Variants in CDK14 observed in about 807,000 individuals in gnomAD.
The protein encoded by CDK14 is cyclin dependent kinase 14.
A neutral mutation model predicts 60.7 loss-of-function variants in CDK14; 34 were observed. That is an observed-to-expected ratio of 0.56 (90% CI 0.43 to 0.75). The LOEUF is 0.75. Ranked by LOEUF, CDK14 falls within the 30% of genes least tolerant of loss-of-function variation. The pLI is 0.00. For synonymous variants in CDK14, 197 were observed against 203.7 expected, an observed-to-expected ratio of 0.97 and a Z score of 0.28; for missense variants, 482 against 564.1, an observed-to-expected ratio of 0.85 and a Z score of 1.47.
chr7:90,737,727 G>C (rs563124320), intron 3 of CDK14, among the ~76,000 whole-genome samples: 1 of 152,294 alleles, frequency 6.6e-6, no homozygotes, highest in African/African-American at 2.4e-5. Context: ...GCCCAGTCAG[G>C]TTTGACTTTA....
intron 14 of CDK14, among the ~76,000 whole-genome samples, chr7:91,168,194 G>A (rs915403496): frequency 1.3e-5 from 2 of 151,408 alleles, no homozygotes; most frequent in East Asian, 1.9e-4. Flanking sequence ...CCCGGGAGGC[G>A]GAGGTCGCAG....
chr7:91,201,408 A>G (rs908920147), intron 14 of CDK14, among the ~76,000 whole-genome samples: 4 of 152,168 alleles, frequency 2.6e-5, no homozygotes, highest in South Asian at 2.1e-4. Context: ...AGGAAAACCT[A>G]CAGTTGTTTT....
chr7:90,657,034 A>G (rs1327111607), intron 2 of CDK14, among the ~76,000 whole-genome samples: 1 of 134,772 alleles, frequency 7.4e-6, no homozygotes, highest in Non-Finnish European at 1.6e-5. Context: ...ATTTAAAAAT[A>G]TTTTCTAAAA....
intron 2 of CDK14, among the ~76,000 whole-genome samples, chr7:90,617,964 GAA>G (rs532347499): frequency 5.1e-4 from 78 of 152,298 alleles, no homozygotes; most frequent in Non-Finnish European, 1.1e-3. Flanking sequence ...AGCATGTTCT[GAA>G]AAAAGTGTCA....
intron 2 of CDK14, among the ~76,000 whole-genome samples, chr7:90,649,270 TTC>T (rs1216479739): frequency 4.4e-5 from 2 of 45,410 alleles, no homozygotes; most frequent in African/African-American, 1.1e-4. Context: ...CTTTCTTTCT[TTC>T]TTTCTTTCTT....
intron 12 of CDK14, among the ~76,000 whole-genome samples, chr7:91,081,159 G>A (rs1193737525): frequency 6.6e-6 from 1 of 152,180 alleles, no homozygotes; most frequent in Non-Finnish European, 1.5e-5. Flanking sequence ...CCAAGCTGTA[G>A]CCTCTAGCCA....
At chr7:90,822,912 C>A (rs1001820248) in intron 5 of CDK14, among the ~76,000 whole-genome samples, 1 of 152,130 alleles carries the variant, frequency 6.6e-6, no homozygotes, top group South Asian at 2.1e-4. Flanking sequence ...ATAATGCTTG[C>A]ACTGTGTACT....
At chr7:90,813,383 T>C (rs886611369) in intron 5 of CDK14, among the ~76,000 whole-genome samples, 5 of 152,174 alleles carry the variant, frequency 3.3e-5, no homozygotes, top group Admixed American at 2.6e-4. Flanking sequence ...CTGAAAACTA[T>C]TGAATTGTAT....
At chr7:90,659,064 T>C (rs1430373835) in intron 2 of CDK14, among the ~76,000 whole-genome samples, 15 of 152,186 alleles carry the variant, frequency 9.9e-5, no homozygotes, top group Admixed American at 9.8e-4. Flanking sequence ...TTTTTGGATT[T>C]TGGGGCATAG....
At chr7:90,682,852 G>A (rs1801349002) in intron 2 of CDK14, among the ~76,000 whole-genome samples, 1 of 152,104 alleles carries the variant, frequency 6.6e-6, no homozygotes, top group African/African-American at 2.4e-5. Flanking sequence ...TTATGTTTAT[G>A]TAATGTTTCC....
chr7:91,027,107 C>T (rs141175558), intron 10 of CDK14, among the ~76,000 whole-genome samples: 2,385 of 152,298 alleles, frequency 0.016, 22 homozygotes, highest in Non-Finnish European at 0.022. Flanking sequence ...AGTCTCTTAG[C>T]TGATTCATGT....
intron 13 of CDK14, among the ~76,000 whole-genome samples, chr7:91,116,232 GCA>G (rs1562910960): frequency 1.3e-5 from 2 of 152,322 alleles, no homozygotes; most frequent in East Asian, 3.9e-4. Flanking sequence ...ACACTTCATA[GCA>G]CAGAGTCCTT....
At chr7:90,987,834 C>G (rs1269517491) in intron 10 of CDK14, among the ~76,000 whole-genome samples, 1 of 152,100 alleles carries the variant, frequency 6.6e-6, no homozygotes. Context: ...GCCAGAGACT[C>G]TTTTCTAAAG....
At chr7:91,087,731 C>T (rs1256393458) in intron 12 of CDK14, among the ~76,000 whole-genome samples, 9 of 152,126 alleles carry the variant, frequency 5.9e-5, no homozygotes, top group Admixed American at 5.2e-4. Context: ...GGATACCACT[C>T]CTACATAGAG....
At chr7:91,137,870 C>T (rs1288153776) in intron 14 of CDK14, among the ~76,000 whole-genome samples, 18 of 152,126 alleles carry the variant, frequency 1.2e-4, no homozygotes, top group Non-Finnish European at 1.5e-5. Flanking sequence ...GAAATTTGTA[C>T]TGTGCTGAGC....
At chr7:90,870,200 A>G (rs149650885) in intron 6 of CDK14, among the ~76,000 whole-genome samples, 2,582 of 152,308 alleles carry the variant, frequency 0.017, 63 homozygotes, top group African/African-American at 0.058. Context: ...AGGAACATGT[A>G]TGGAGCTGGA....
intron 5 of CDK14, among the ~76,000 whole-genome samples, chr7:90,856,377 A>G (rs554058503): frequency 6.6e-5 from 10 of 151,932 alleles, no homozygotes; most frequent in South Asian, 2.1e-4. Flanking sequence ...CTATTCCTCT[A>G]TTTTTTCATT....
Position 90,726,614 on chromosome 7 carries a change from A to G in CDK14, c.171A>G (p.Ser57=), listed in dbSNP as rs1341776338. ...MSTRNCQGMD[S]VIKPLDTIPE... ...CACGGAACTGCCAGGGAATGGACTCAGTGATCAAACCCCTGGACACAATTC... is the reference window on the plus strand; with the variant it reads ...CACGGAACTGCCAGGGAATGGACTCGGTGATCAAACCCCTGGACACAATTC... The change falls in exon 3 of 15, where the codon TCA becomes TCG. Residue 57 remains serine (S), a synonymous_variant. Coordinates refer to ENST00000380050, the MANE Select transcript of CDK14 (RefSeq NM_001287135.2). 1 of 1,613,512 alleles carries G rather than the reference A, an allele frequency of 6.2e-7. No individual in the cohort carries two copies. The highest frequency in any genetic ancestry group is 8.5e-7 in the Non-Finnish European group (1 of 1,179,630).
At chr7:90,656,322 G>T (rs1044121476) in intron 2 of CDK14, among the ~76,000 whole-genome samples, 1 of 151,668 alleles carries the variant, frequency 6.6e-6, no homozygotes, top group Non-Finnish European at 1.5e-5. Context: ...ATGCATGGTA[G>T]CCCAGAATCT....
Sources: allele counts gnomAD v4.1 joint callset (sites outside exome capture counted in the v4.1 genomes callset), GRCh38; gene constraint gnomAD v4.1.1; transcripts MANE v1.5; gene names NCBI Gene and HGNC (gene_info 2026-07-23, HGNC 2026-07-21).